The following MCEMP1 variants were observed in gnomAD, a reference collection of about 807,000 sequenced individuals.
MCEMP1 encodes the protein mast cell expressed membrane protein 1.
MCEMP1 carries 17 observed loss-of-function variants against 27.9 expected under a neutral mutation model. The observed-to-expected ratio is 0.61, with a 90% confidence interval of 0.42 to 0.91. MCEMP1 has a LOEUF of 0.91. Among genes scored for constraint, MCEMP1 ranks in the 40% least tolerant of loss-of-function variants. MCEMP1 has a pLI of 0.00. For missense variants in MCEMP1, 200 were observed against 204.8 expected (o/e 0.98, Z 0.14); for synonymous variants, 88 against 76.9 (o/e 1.14, Z -0.76).
At position 7,677,781 on chromosome 19, in the gene MCEMP1, C is replaced by A; in HGVS notation, c.145+55C>A. 2 of 1,477,036 alleles carry A rather than the reference C, an allele frequency of 1.4e-6. No homozygotes were observed. The highest frequency in any genetic ancestry group is 9.1e-7 in the Non-Finnish European group (1 of 1,093,548). The allele number at this position is 1,477,036 out of a possible 1,614,324, so 91.5% of individuals were successfully genotyped here. On this transcript the variant is annotated intron_variant, in intron 2 of 6. Coordinates refer to ENST00000333598, the MANE Select transcript of MCEMP1 (RefSeq NM_174918.3). This position sits in a 1 kb window ranked among gnomAD's most constrained non-coding sequence, Gnocchi z 4.6. The stretch of plus-strand genomic sequence containing the variant: ...ATCACCTTGGGAAGGGGCAGGTGGG[C>A]GGGCAACTGCAGGGCCCCCGGGGCT...
Position 7,678,016 on chromosome 19 carries a change from C to T in MCEMP1, c.146-88C>T, listed in dbSNP as rs183334945. Reference sequence around the variant, plus strand: ...CAGCTGCTGATGGTTTTGAGAGGAGCGAGGTGTCCATGGTGTTAGAGACAG... The same window carrying T: ...CAGCTGCTGATGGTTTTGAGAGGAGTGAGGTGTCCATGGTGTTAGAGACAG... On this transcript the variant is annotated intron_variant, in intron 2 of 6. Coordinates refer to ENST00000333598, the MANE Select transcript of MCEMP1 (RefSeq NM_174918.3). This position sits in a 1 kb window ranked among gnomAD's most constrained non-coding sequence, Gnocchi z 4.8. 1.5e-4 allele frequency: 224 copies of T among 1,495,018 alleles called. 2 individuals are homozygous for T. In the African/African-American group the frequency reaches 1.8e-3, roughly 12 times the overall value. 92.6% of individuals were successfully genotyped at this position (1,495,018 alleles called of 1,614,324 possible). A position where few individuals can be genotyped will look rare whatever the true frequency, so the allele number is the denominator to read the frequency against.
chr19:7,678,999 G>C lies in MCEMP1; in HGVS notation c.508+16G>C, dbSNP rs768555544. 4 of 1,481,224 alleles carry C rather than the reference G, an allele frequency of 2.7e-6. No homozygotes were observed. In the Admixed American group the frequency reaches 7.5e-5, roughly 28 times the overall value. 91.8% of individuals were successfully genotyped at this position (1,481,224 alleles called of 1,614,324 possible). A position where few individuals can be genotyped will look rare whatever the true frequency, so the allele number is the denominator to read the frequency against. ...AAAATGCCACGTAAGTTGGCGCCCC[G>C]ACAGGAGGTGGAGGAGGGTGGGTGG... On this transcript the variant is annotated intron_variant, in intron 6 of 6. Coordinates refer to ENST00000333598, the MANE Select transcript of MCEMP1 (RefSeq NM_174918.3). This position sits in a 1 kb window ranked among gnomAD's most constrained non-coding sequence, Gnocchi z 4.8.
chr19:7,677,144 C>CA lies in MCEMP1; in HGVS notation c.26dup (p.Lys10GlufsTer13). ...AGATGCAAGCACCAGCCTTCAGGGA[C>CA]AAGAAACAGGGGGTCTCAGCCAAGA... On this transcript the variant is annotated frameshift_variant, in exon 1 of 7. Coordinates refer to ENST00000333598, the MANE Select transcript of MCEMP1 (RefSeq NM_174918.3). LOFTEE classifies it high-confidence loss of function. The surrounding 1 kb of genome is among the most constrained non-coding windows in gnomAD (Gnocchi z 4.6). The CA allele has an allele frequency of 6.3e-7, 1 of 1,597,886 alleles. No individual in the cohort carries two copies. Among genetic ancestry groups the CA allele is most frequent in the Non-Finnish European group, 8.5e-7 (1 of 1,171,850 alleles).
At position 7,678,818 on chromosome 19, in the gene MCEMP1, G is replaced by A; in HGVS notation, c.449-106G>A. On this transcript the variant is annotated intron_variant, in intron 5 of 6. Transcript: ENST00000333598. The surrounding 1 kb of genome is among the most constrained non-coding windows in gnomAD (Gnocchi z 4.8). ...TCCATGGGCTCTGCTGTACCCCAGG[G>A]TGGGTGTGGGGCAGGGGGGGTGCTT... 8.0e-7 allele frequency: 1 copy of A among 1,244,454 alleles called. No individual in the cohort carries two copies. The highest frequency in any genetic ancestry group is 1.1e-6 in the Non-Finnish European group (1 of 888,204). The allele number at this position is 1,244,454 out of a possible 1,614,324, so 77.1% of individuals were successfully genotyped here.
In MCEMP1 at chr19:7,677,230, G is replaced by A. The variant is rs2032563204; in HGVS notation, c.55+55G>A. ...TTAAGAAGGAGAGATTGGGGGGCCG[G>A]GGGCTTTTGCTCATGTCTGTAATCC... On this transcript the variant is annotated intron_variant, in intron 1 of 6. Coordinates refer to ENST00000333598, the MANE Select transcript of MCEMP1 (RefSeq NM_174918.3). The surrounding 1 kb of genome is among the most constrained non-coding windows in gnomAD (Gnocchi z 4.6). 6 of 1,482,638 alleles carry A rather than the reference G, an allele frequency of 4.0e-6. No homozygotes were observed. In the East Asian group the frequency reaches 1.2e-4, roughly 30 times the overall value. 91.8% of individuals were successfully genotyped at this position (1,482,638 alleles called of 1,614,324 possible). A position where few individuals can be genotyped will look rare whatever the true frequency, so the allele number is the denominator to read the frequency against.
At position 7,678,768 on chromosome 19, in the gene MCEMP1, T is replaced by C. The variant is rs1299868423; in HGVS notation, c.449-156T>C. ...TACCATCTGGGTTGCTCTGTGGGTA[T>C]TGAAAGGCTCCTGGGAACCCCAAAT... is the stretch of plus-strand genomic sequence containing the variant. On this transcript the variant is annotated intron_variant, in intron 5 of 6. Coordinates refer to ENST00000333598, the MANE Select transcript of MCEMP1 (RefSeq NM_174918.3). The surrounding 1 kb of genome is among the most constrained non-coding windows in gnomAD (Gnocchi z 4.8). Among the ~76,000 whole-genome samples the C allele has an allele frequency of 6.6e-6, 1 of 151,956 alleles. No homozygotes were observed. Among genetic ancestry groups the C allele is most frequent in the Non-Finnish European group, 1.5e-5 (1 of 67,958 alleles).
rs1246456718 is a variant in MCEMP1 at position 7,678,378 on chromosome 19, C to T, written c.312C>T (p.Gly104=). The change falls in exon 4 of 7, where the codon GGC becomes GGT. Residue 104 remains glycine (G), a synonymous_variant. Coordinates refer to ENST00000333598, the MANE Select transcript of MCEMP1 (RefSeq NM_174918.3). The surrounding 1 kb of genome is among the most constrained non-coding windows in gnomAD (Gnocchi z 4.8). ...KNAEMSKELL[G]FKRELWNVSN... ...CTGAGATGTCCAAGGAGCTGCTGGG[C>T]TTTAAAAGGGAGCTTTGGAATGGTG... 20 of 1,613,962 alleles carry T rather than the reference C, an allele frequency of 1.2e-5. No individual in the cohort carries two copies. Among genetic ancestry groups the T allele is most frequent in the Non-Finnish European group, 1.6e-5 (19 of 1,180,026 alleles).
chr19:7,678,901 A>ACC lies in MCEMP1; in HGVS notation c.449-21_449-20dup. ...ACCGCAGCTTGACTTATCTGTTCCCACCCAACCCTCCCCGCCCCCTAGGCA... is the reference window on the plus strand; with the variant it reads ...ACCGCAGCTTGACTTATCTGTTCCCACCCCCAACCCTCCCCGCCCCCTAGGCA... On this transcript the variant is annotated intron_variant, in intron 5 of 6. Coordinates refer to ENST00000333598, the MANE Select transcript of MCEMP1 (RefSeq NM_174918.3). This position sits in a 1 kb window ranked among gnomAD's most constrained non-coding sequence, Gnocchi z 4.8. The ACC allele has an allele frequency of 1.2e-6, 1 of 803,470 alleles. No individual in the cohort carries two copies. The highest frequency in any genetic ancestry group is 2.0e-6 in the Non-Finnish European group (1 of 504,474). 49.8% of individuals were successfully genotyped at this position (803,470 alleles called of 1,614,324 possible).
Position 7,677,132 on chromosome 19 carries a change from A to G in MCEMP1, c.12A>G (p.Pro4=). The change falls in exon 1 of 7, where the codon CCA becomes CCG. Residue 4 remains proline (P), a synonymous_variant. Transcript: ENST00000333598. This position sits in a 1 kb window ranked among gnomAD's most constrained non-coding sequence, Gnocchi z 4.6. ...ACCAGGAAGTCAAGATGCAAGCACC[A>G]GCCTTCAGGGACAAGAAACAGGGGG... MQA[P]AFRDKKQGVS... is the part of the protein sequence containing the mutation. 6.2e-7 allele frequency: 1 copy of G among 1,600,342 alleles called. No individual in the cohort carries two copies. The highest frequency in any genetic ancestry group is 8.5e-7 in the Non-Finnish European group (1 of 1,173,030).
In MCEMP1 at chr19:7,677,165, C is replaced by A. The variant is rs750549401; in HGVS notation, c.45C>A (p.Ala15=). 1.1e-5 allele frequency: 18 copies of A among 1,589,776 alleles called. No homozygotes were observed. The highest frequency in any genetic ancestry group is 1.5e-5 in the Non-Finnish European group (17 of 1,167,746). ...GGGACAAGAAACAGGGGGTCTCAGC[C>A]AAGAATCAAGGTTAGGGAACTCGAG... ...AFRDKKQGVS[A]KNQGAHDPDY... Residue 15 remains alanine, a synonymous_variant, in exon 1 of 7, where the codon GCC becomes GCA. Transcript: ENST00000333598. The surrounding 1 kb of genome is among the most constrained non-coding windows in gnomAD (Gnocchi z 4.6).
Position 7,677,702 on chromosome 19 carries a change from G to C in MCEMP1, c.121G>C (p.Gly41Arg). The change falls in exon 2 of 7, where the codon GGT becomes CGT. Residue 41 changes from glycine to arginine, a missense_variant. Physicochemically the swap from Gly to Arg is moderately radical, Grantham distance 125. Transcript: ENST00000333598. The surrounding 1 kb of genome is among the most constrained non-coding windows in gnomAD (Gnocchi z 4.6). ...AFKNQDHAKG[G>R]HSRPTSQVPA... is the part of the protein sequence containing the mutation. ...CAAAAATCAGGACCATGCAAAGGGT[G>C]GTCATTCACGACCCACGAGCCAAGG... 9 of 1,610,748 alleles carry C rather than the reference G, an allele frequency of 5.6e-6. No homozygotes were observed. The highest frequency in any genetic ancestry group is 7.6e-6 in the Non-Finnish European group (9 of 1,178,350).
chr19:7,677,140 G>T lies in MCEMP1; in HGVS notation c.20G>T (p.Arg7Met). 2.5e-6 allele frequency: 4 copies of T among 1,598,886 alleles called. No individual in the cohort carries two copies. The highest frequency in any genetic ancestry group is 2.6e-6 in the Non-Finnish European group (3 of 1,172,310). MQAPAF[R>M]DKKQGVSAKN... is the part of the protein sequence containing the mutation. ...GTCAAGATGCAAGCACCAGCCTTCA[G>T]GGACAAGAAACAGGGGGTCTCAGCC... The change falls in exon 1 of 7, where the codon AGG (arginine) becomes ATG (methionine). Residue 7 changes from arginine (R) to methionine (M), a missense_variant. Arg to Met is a moderately conservative substitution (Grantham distance 91). Transcript: ENST00000333598. This position sits in a 1 kb window ranked among gnomAD's most constrained non-coding sequence, Gnocchi z 4.6.
Position 7,677,729 on chromosome 19 carries a change from G to A in MCEMP1, c.145+3G>A. 6.2e-7 allele frequency: 1 copy of A among 1,600,306 alleles called. No individual in the cohort carries two copies. The highest frequency in any genetic ancestry group is 8.5e-7 in the Non-Finnish European group (1 of 1,172,498). On this transcript the variant is annotated splice_donor_region_variant and intron_variant, in intron 2 of 6. Coordinates refer to ENST00000333598, the MANE Select transcript of MCEMP1 (RefSeq NM_174918.3). The surrounding 1 kb of genome is among the most constrained non-coding windows in gnomAD (Gnocchi z 4.6). ...TCATTCACGACCCACGAGCCAAGGTGAGCAGACACCCACCTGCTCACATCC... is the reference window on the plus strand; with the variant it reads ...TCATTCACGACCCACGAGCCAAGGTAAGCAGACACCCACCTGCTCACATCC...
In MCEMP1 at chr19:7,677,185, C is replaced by T. The variant is rs1411484373; in HGVS notation, c.55+10C>T. The T allele has an allele frequency of 2.5e-6, 4 of 1,575,768 alleles. No homozygotes were observed. The East Asian group carries it at 9.4e-5, about 37-fold the overall frequency. On this transcript the variant is annotated intron_variant, in intron 1 of 6. Coordinates refer to ENST00000333598, the MANE Select transcript of MCEMP1 (RefSeq NM_174918.3). This position sits in a 1 kb window ranked among gnomAD's most constrained non-coding sequence, Gnocchi z 4.6. ...TCAGCCAAGAATCAAGGTTAGGGAA[C>T]TCGAGGTGGAAGGGAGGGGTTAAGA...
At position 7,678,171 on chromosome 19, in the gene MCEMP1, G is replaced by A. The variant is rs1336746506; in HGVS notation, c.213G>A (p.Leu71=). ...QVPCWLYRAI[L]SLYILLALAF... is the part of the protein sequence containing the mutation. ...CCTGCTGGTTGTACAGAGCCATCCT[G>A]AGCCTGTACATCCTCCTGGCCCTGG... is the stretch of plus-strand genomic sequence containing the variant. Residue 71 remains leucine, a synonymous_variant, in exon 3 of 7, where the codon CTG becomes CTA. Transcript: ENST00000333598. The surrounding 1 kb of genome is among the most constrained non-coding windows in gnomAD (Gnocchi z 4.8). 1.2e-6 allele frequency: 2 copies of A among 1,613,980 alleles called. No homozygotes were observed. The highest frequency in any genetic ancestry group is 2.2e-5 in the East Asian group (1 of 44,882).
At position 7,679,055 on chromosome 19, in the gene MCEMP1, A is replaced by T; in HGVS notation, c.509-43A>T. On this transcript the variant is annotated intron_variant, in intron 6 of 6. Transcript: ENST00000333598. This position sits in a 1 kb window ranked among gnomAD's most constrained non-coding sequence, Gnocchi z 4.9. ...CAGATTTAGCCCCAGCTCCTCTCCCAGGGGCGGGATCTGCCTCACTGTGGG... is the reference window on the plus strand; with the variant it reads ...CAGATTTAGCCCCAGCTCCTCTCCCTGGGGCGGGATCTGCCTCACTGTGGG... 6.2e-7 allele frequency: 1 copy of T among 1,607,546 alleles called. No individual in the cohort carries two copies. Among genetic ancestry groups the T allele is most frequent in the South Asian group, 1.1e-5 (1 of 89,896 alleles).
chr19:7,677,178 T>G lies in MCEMP1; in HGVS notation c.55+3T>G. 1 of 1,582,240 alleles carries G rather than the reference T, an allele frequency of 6.3e-7. No individual in the cohort carries two copies. Among genetic ancestry groups the G allele is most frequent in the Non-Finnish European group, 8.6e-7 (1 of 1,163,536 alleles). ...GGGGGTCTCAGCCAAGAATCAAGGT[T>G]AGGGAACTCGAGGTGGAAGGGAGGG... is the stretch of plus-strand genomic sequence containing the variant. On this transcript the variant is annotated splice_donor_region_variant and intron_variant, in intron 1 of 6. Transcript: ENST00000333598. The surrounding 1 kb of genome is among the most constrained non-coding windows in gnomAD (Gnocchi z 4.6).
In MCEMP1 at chr19:7,678,471, C is replaced by G; in HGVS notation, c.335-20C>G. ...CTGGAGAGGGATGGATGCACAGACA[C>G]CCCTGTTTCATGCCCTCAGTCTCAA... On this transcript the variant is annotated intron_variant, in intron 4 of 6. Coordinates refer to ENST00000333598, the MANE Select transcript of MCEMP1 (RefSeq NM_174918.3). The surrounding 1 kb of genome is among the most constrained non-coding windows in gnomAD (Gnocchi z 4.8). 1 of 1,613,188 alleles carries G rather than the reference C, an allele frequency of 6.2e-7. No homozygotes were observed. The highest frequency in any genetic ancestry group is 1.1e-5 in the South Asian group (1 of 91,062).
Position 7,678,438 on chromosome 19 carries a change from G to T in MCEMP1, c.334+38G>T. Reference sequence around the variant, plus strand: ...TCTGAGGGAGACCCGTGGGGTCATGGTGGGGGTCTGGAGAGGGATGGATGC... The same window carrying T: ...TCTGAGGGAGACCCGTGGGGTCATGTTGGGGGTCTGGAGAGGGATGGATGC... On this transcript the variant is annotated intron_variant, in intron 4 of 6. Transcript: ENST00000333598. This position sits in a 1 kb window ranked among gnomAD's most constrained non-coding sequence, Gnocchi z 4.8. 6.2e-7 allele frequency: 1 copy of T among 1,613,990 alleles called. No individual in the cohort carries two copies.
Sources: gnomAD v4.1 joint callset for allele counts (sites outside exome capture counted in the v4.1 genomes callset) on GRCh38, gnomAD v4.1.1 for gene constraint, Gnocchi (gnomAD v3.1) non-coding constraint, MANE v1.5 for transcripts, NCBI Gene and HGNC (gene_info 2026-07-23, HGNC 2026-07-21) for gene names.